The following RC3H1 variants were observed in gnomAD, a reference collection of about 807,000 sequenced individuals.
RC3H1 encodes the protein roquin-1.
Under a neutral mutation model 138.2 loss-of-function variants are expected in RC3H1, and 50 were observed. The ratio of observed to expected loss-of-function variants is 0.36; its 90% CI spans 0.29 to 0.46. The LOEUF (loss-of-function observed/expected upper bound fraction) is 0.46. Ranked by LOEUF, RC3H1 falls within the 20% of genes least tolerant of loss-of-function variation. The pLI is 1.00. For missense variants in RC3H1, 1,031 were observed against 1,388.1 expected, an observed-to-expected ratio of 0.74 and a Z score of 4.09; for synonymous variants, 462 against 489.1, an observed-to-expected ratio of 0.94 and a Z score of 0.73.
At chr1:174,015,523 C>T (rs572923054) in intron 1 of RC3H1, among the ~76,000 whole-genome samples, 1 of 151,768 alleles carries the variant, frequency 6.6e-6, no homozygotes, top group Non-Finnish European at 1.5e-5. Flanking sequence ...TGCCACCATG[C>T]CCGGCTAATT....
At chr1:173,945,714 GT>G (rs199936325) in intron 17 of RC3H1, among the ~76,000 whole-genome samples, 13 of 146,796 alleles carry the variant, frequency 8.9e-5, no homozygotes, top group African/African-American at 9.9e-5. Context: ...TCAAAGTTCT[GT>G]TTTTTTTTTT....
Position 173,952,176 on chromosome 1 carries a change from A to AG in RC3H1, c.2371-39_2371-38insC, listed in dbSNP as rs1318204506. The AG allele has an allele frequency of 3.4e-6, 5 of 1,459,310 alleles. No individual in the cohort carries two copies. In the African/African-American group the frequency reaches 4.3e-5, roughly 13 times the overall value. The allele number at this position is 1,459,310 out of a possible 1,614,324, so 90.4% of individuals were successfully genotyped here. On this transcript the variant is annotated intron_variant, in intron 13 of 19. Coordinates refer to ENST00000367696, the MANE Select transcript of RC3H1 (RefSeq NM_172071.4). ...AAAGAAAAAAAACAAAAAAAAAAAA[A>AG]AGAGAAAGAAACAAAACAGGAAATG...
chr1:174,004,921 T>G (rs1571240522), intron 1 of RC3H1, among the ~76,000 whole-genome samples: 1 of 144,704 alleles, frequency 6.9e-6, no homozygotes, highest in African/African-American at 2.6e-5. Context: ...TAGAGGGGGG[T>G]GGGCAGGGGG....
chr1:173,942,428 CAAAAAAAAAAA>C (rs60694243), intron 18 of RC3H1, among the ~76,000 whole-genome samples: 5 of 38,086 alleles, frequency 1.3e-4, no homozygotes, highest in South Asian at 8.1e-4. Context: ...GACTCAGTCT[CAAAAAAAAAAA>C]AAAAAAAAAA....
chr1:173,931,387 G>A lies in RC3H1; in HGVS notation c.*7334C>T, dbSNP rs1189733825. ...TAAACACTAATTAGGAGCAACATGAGGCTGAGTCAGTTTCCAAGGTAATAA... is the reference window on the plus strand; with the variant it reads ...TAAACACTAATTAGGAGCAACATGAAGCTGAGTCAGTTTCCAAGGTAATAA... On this transcript the variant is annotated 3_prime_UTR_variant, in exon 20 of 20. Coordinates refer to ENST00000367696, the MANE Select transcript of RC3H1 (RefSeq NM_172071.4). 1.3e-5 allele frequency: 2 copies of A among 152,150 alleles called. No homozygotes were observed. The highest frequency in any genetic ancestry group is 2.9e-5 in the Non-Finnish European group (2 of 68,026). The allele number at this position is 152,150 out of a possible 1,614,324, so 9.4% of individuals were successfully genotyped here.
At chr1:174,003,853 G>A (rs1661603563) in intron 1 of RC3H1, among the ~76,000 whole-genome samples, 1 of 151,380 alleles carries the variant, frequency 6.6e-6, no homozygotes, top group African/African-American at 2.4e-5. Flanking sequence ...AGTAGAGACG[G>A]GGTTTCACCG....
intron 19 of RC3H1, 46 bp from the exon 20 acceptor site, chr1:173,938,917 TTAC>T: frequency 1.4e-6 from 2 of 1,453,396 alleles, no homozygotes; most frequent in East Asian, 2.4e-5. Context: ...AGAAAAATGA[TTAC>T]TACAATAAAA....
intron 6 of RC3H1, among the ~76,000 whole-genome samples, chr1:173,980,459 T>C (rs995103059): frequency 2.6e-5 from 4 of 152,090 alleles, no homozygotes; most frequent in Admixed American, 2.6e-4. Flanking sequence ...TTAAAACCAC[T>C]AGATACATAT....
At position 173,943,490 on chromosome 1, in the gene RC3H1, C is replaced by T. The variant is rs757788250; in HGVS notation, c.3087G>A (p.Leu1029=). Residue 1029 remains leucine (L), a synonymous_variant, in exon 18 of 20, where the codon CTG becomes CTA. Transcript: ENST00000367696. ...TCCCGATTTCCCTTTCCACCTGGTG[C>T]AGTTCCAAGCTCAACTGCTCACTTG... The part of the protein sequence containing the change: ...MISSEQLSLE[L]HQVEREIGKR... The T allele has an allele frequency of 6.2e-7, 1 of 1,614,040 alleles. No individual in the cohort carries two copies. Among genetic ancestry groups the T allele is most frequent in the Admixed American group, 1.7e-5 (1 of 60,012 alleles).
At chr1:173,943,399 A>C in intron 18 of RC3H1, 43 bp downstream of exon 18, 27 of 1,404,736 alleles carry the variant, frequency 1.9e-5, no homozygotes, top group Middle Eastern at 1.8e-4. Context: ...CACATGAAAG[A>C]TTTCATTTCA....
chr1:174,000,576 A>T (rs1661545149), intron 1 of RC3H1, among the ~76,000 whole-genome samples: 1 of 152,200 alleles, frequency 6.6e-6, no homozygotes, highest in Non-Finnish European at 1.5e-5. Context: ...ATCAAACAAA[A>T]CCACACTGTC....
intron 9 of RC3H1, among the ~76,000 whole-genome samples, chr1:173,968,070 C>T (rs982353065): frequency 6.6e-6 from 1 of 152,182 alleles, no homozygotes; most frequent in Non-Finnish European, 1.5e-5. Context: ...ACCTTTAGCA[C>T]ATATGCTAAG....
chr1:174,007,179 G>A (rs944699590), intron 1 of RC3H1, among the ~76,000 whole-genome samples: 9 of 152,184 alleles, frequency 5.9e-5, no homozygotes, highest in Non-Finnish European at 1.2e-4. Flanking sequence ...CACGAGGTCA[G>A]GAAATTGAGA....
chr1:173,994,384 TC>T (rs1661411961), intron 1 of RC3H1, among the ~76,000 whole-genome samples: 1 of 151,950 alleles, frequency 6.6e-6, no homozygotes, highest in African/African-American at 2.4e-5. Flanking sequence ...ACAGTGAGAC[TC>T]CATCTCAAAA....
intron 7 of RC3H1, among the ~76,000 whole-genome samples, chr1:173,976,008 T>C (rs910056577): frequency 5.4e-4 from 80 of 146,934 alleles, no homozygotes; most frequent in African/African-American, 1.9e-3. Context: ...GAAACAGATA[T>C]AGGATTAAAC....
intron 1 of RC3H1, among the ~76,000 whole-genome samples, chr1:174,016,824 A>G (rs1466120377): frequency 2.0e-5 from 3 of 152,074 alleles, no homozygotes; most frequent in African/African-American, 7.2e-5. Context: ...CAGTAACTCT[A>G]AAGTCCAAGT....
chr1:173,974,393 A>G (rs1660488616), intron 7 of RC3H1, among the ~76,000 whole-genome samples: 2 of 152,056 alleles, frequency 1.3e-5, no homozygotes, highest in African/African-American at 4.8e-5. Flanking sequence ...CCTACTGGAG[A>G]CTTTCAAATA....
At chr1:174,007,224 C>G (rs1048859135) in intron 1 of RC3H1, among the ~76,000 whole-genome samples, 1 of 151,994 alleles carries the variant, frequency 6.6e-6, no homozygotes, top group Non-Finnish European at 1.5e-5. Flanking sequence ...ACCATCTCTA[C>G]TAAAAATACA....
intron 1 of RC3H1, among the ~76,000 whole-genome samples, chr1:173,997,383 T>G (rs554742841): frequency 3.3e-4 from 50 of 152,304 alleles, no homozygotes; most frequent in African/African-American, 1.1e-3. Context: ...AGATAATCAC[T>G]CTAAAACGAT....
Sources: gnomAD v4.1 joint callset for allele counts (sites outside exome capture counted in the v4.1 genomes callset) on GRCh38, gnomAD v4.1.1 for gene constraint, MANE v1.5 for transcripts, NCBI Gene and HGNC (gene_info 2026-07-23, HGNC 2026-07-21) for gene names.